KDM4C: variants seen among roughly 807,000 people sequenced by gnomAD.
KDM4C encodes the protein lysine demethylase 4C, also known as lysine-specific demethylase 4C.
A neutral mutation model predicts 129.3 loss-of-function variants in KDM4C; 81 were observed. That is an observed-to-expected ratio of 0.63 (90% CI 0.52 to 0.75). KDM4C has a LOEUF of 0.75. KDM4C is among the 30% of genes least tolerant of loss of function. KDM4C has a pLI of 0.00. For synonymous variants in KDM4C, 573 were observed against 456.1 expected (o/e 1.26, Z -3.26); for missense variants, 1,457 against 1,304.0 (o/e 1.12, Z -1.81).
chr9:6,825,389 A>G (rs890553381), intron 4 of KDM4C, among the ~76,000 whole-genome samples: 2 of 152,210 alleles, frequency 1.3e-5, no homozygotes, highest in African/African-American at 4.8e-5. Flanking sequence ...CTTCGGTAAG[A>G]TACATAGCAA....
intron 8 of KDM4C, among the ~76,000 whole-genome samples, chr9:6,948,806 G>A (rs1827484022): frequency 6.6e-6 from 1 of 152,116 alleles, no homozygotes; most frequent in Non-Finnish European, 1.5e-5. Context: ...TGGGGGTAAG[G>A]TCATAGATCA....
At chr9:7,116,984 A>G (rs143932201) in intron 18 of KDM4C, among the ~76,000 whole-genome samples, 1 of 152,330 alleles carries the variant, frequency 6.6e-6, no homozygotes, top group African/African-American at 2.4e-5. Flanking sequence ...AGTGTCTTTT[A>G]TAGTTACACG....
intron 5 of KDM4C, among the ~76,000 whole-genome samples, chr9:6,856,572 G>GTGTT (rs1196535675): frequency 7.3e-6 from 1 of 136,300 alleles, no homozygotes; most frequent in Non-Finnish European, 1.6e-5. Context: ...GTGTGTGTGT[G>GTGTT]TGTGTGTGTA....
chr9:7,089,925 C>T (rs775955189), intron 17 of KDM4C, among the ~76,000 whole-genome samples: 10 of 152,256 alleles, frequency 6.6e-5, no homozygotes, highest in Non-Finnish European at 1.0e-4. Context: ...GGTTCCATTC[C>T]TAAGCTTGAA....
intron 17 of KDM4C, among the ~76,000 whole-genome samples, chr9:7,053,622 T>G (rs1043293309): frequency 1.3e-5 from 2 of 152,246 alleles, no homozygotes; most frequent in Non-Finnish European, 2.9e-5. Context: ...TTTATTTCTG[T>G]GTCCAATTTT....
At chr9:6,861,280 G>A (rs12235649) in intron 5 of KDM4C, among the ~76,000 whole-genome samples, 2 of 152,160 alleles carry the variant, frequency 1.3e-5, no homozygotes, top group African/African-American at 4.8e-5. Flanking sequence ...AACTTCCTGA[G>A]AGCAGTGGTA....
intron 19 of KDM4C, among the ~76,000 whole-genome samples, chr9:7,143,804 A>G (rs912974173): frequency 1.3e-5 from 2 of 152,180 alleles, no homozygotes; most frequent in South Asian, 2.1e-4. Context: ...CATCTTAGCT[A>G]TCTGTCTGTC....
chr9:7,006,190 T>C (rs1009892561), intron 12 of KDM4C, among the ~76,000 whole-genome samples: 4 of 152,230 alleles, frequency 2.6e-5, no homozygotes, highest in Admixed American at 6.5e-5. Context: ...TAGAAAACTT[T>C]TGGAGTTTCT....
At chr9:6,780,010 C>T (rs1823971785) in intron 1 of KDM4C, among the ~76,000 whole-genome samples, 1 of 152,154 alleles carries the variant, frequency 6.6e-6, no homozygotes, top group South Asian at 2.1e-4. Context: ...GCTACTTAAT[C>T]TTACTGGCCT....
intron 15 of KDM4C, among the ~76,000 whole-genome samples, chr9:7,021,896 A>G (rs1440255090): frequency 6.6e-6 from 1 of 152,140 alleles, no homozygotes; most frequent in African/African-American, 2.4e-5. Flanking sequence ...TCCCAGCATC[A>G]TTTATTGAAG....
intron 19 of KDM4C, among the ~76,000 whole-genome samples, chr9:7,148,397 G>T (rs1392820438): frequency 6.6e-6 from 1 of 152,212 alleles, no homozygotes; most frequent in African/African-American, 2.4e-5. Context: ...TCAGCTTGCA[G>T]CTCATGGGCT....
intron 9 of KDM4C, chr9:6,982,876 T>A (rs967173130): frequency 6.6e-6 from 1 of 152,234 alleles, no homozygotes; most frequent in Non-Finnish European, 1.5e-5. Flanking sequence ...CTTGCTCACC[T>A]ACTTAGAAAG....
intron 8 of KDM4C, among the ~76,000 whole-genome samples, chr9:6,908,920 A>G (rs1305657563): frequency 2.0e-5 from 3 of 152,190 alleles, no homozygotes; most frequent in Non-Finnish European, 4.4e-5. Context: ...GACACATGGC[A>G]TGTAATAAAC....
rs1364741350 is a variant in KDM4C, at chr9:6,913,269, C to G, written c.921+20037C>G. ...TGAAATGAAAAATAAAAAACCCTTT[C>G]ATTAAAATGTTTCCTAGTATTAAAA... On this transcript the variant is annotated intron_variant, in intron 8 of 21. Transcript: ENST00000381309. Among the ~76,000 whole-genome samples, 69 of 151,968 alleles carry G rather than the reference C, an allele frequency of 4.5e-4. 2 individuals are homozygous for G. Among genetic ancestry groups the G allele is most frequent in the Admixed American group, 4.5e-3 (69 of 15,268 alleles).
At chr9:6,981,526 T>A (rs1480509381) in intron 9 of KDM4C, among the ~76,000 whole-genome samples, 1 of 152,230 alleles carries the variant, frequency 6.6e-6, no homozygotes, top group African/African-American at 2.4e-5. Flanking sequence ...ACATCTGAGC[T>A]ACTGCTCTCT....
intron 17 of KDM4C, among the ~76,000 whole-genome samples, chr9:7,062,401 T>C (rs912646097): frequency 6.6e-6 from 1 of 152,144 alleles, no homozygotes; most frequent in Non-Finnish European, 1.5e-5. Flanking sequence ...TACTTGTTTA[T>C]TTTTGAGACA....
intron 8 of KDM4C, among the ~76,000 whole-genome samples, chr9:6,921,839 C>G (rs754182722): frequency 6.6e-6 from 1 of 152,168 alleles, no homozygotes; most frequent in Non-Finnish European, 1.5e-5. Flanking sequence ...CTTGCCCACT[C>G]TGTACCAACA....
chr9:6,781,929 A>C (rs571621206), intron 1 of KDM4C, among the ~76,000 whole-genome samples: 1 of 150,800 alleles, frequency 6.6e-6, no homozygotes, highest in Admixed American at 6.7e-5. Flanking sequence ...GGTTCAGGCT[A>C]TTCTCCTGCC....
intron 3 of KDM4C, among the ~76,000 whole-genome samples, chr9:6,812,002 T>C (rs752552529): frequency 1.4e-4 from 22 of 152,360 alleles, no homozygotes; most frequent in Non-Finnish European, 2.6e-4. Context: ...TTAGAATTAA[T>C]ATTTGTTTAA....
Sources: allele counts gnomAD v4.1 joint callset (sites outside exome capture counted in the v4.1 genomes callset), GRCh38; gene constraint gnomAD v4.1.1; transcripts MANE v1.5; gene names NCBI Gene and HGNC (gene_info 2026-07-23, HGNC 2026-07-21).